PHF8: variants seen among roughly 807,000 people sequenced by gnomAD.
The protein encoded by PHF8 is PHD finger protein 8.
In PHF8, 9 loss-of-function variants were observed where a neutral mutation model predicts 74.4. The observed-to-expected ratio is 0.12, with a 90% CI of 0.07 to 0.21. The LOEUF (loss-of-function observed/expected upper bound fraction) is 0.21, where lower values mean the gene tolerates loss of function less well. Ranked by LOEUF, PHF8 falls within the 10% of genes least tolerant of loss-of-function variation. The probability of loss-of-function intolerance (pLI) is 1.00; values close to 1 mark genes in which losing one functional copy is unlikely to be tolerated. For missense variants in PHF8, 478 were observed against 816.6 expected (o/e 0.59, Z 5.05); for synonymous variants, 311 against 316.6 (o/e 0.98, Z 0.19).
intron 10 of PHF8, among the ~76,000 whole-genome samples, chrX:54,000,781 T>C (rs1454189620): frequency 3.5e-5 from 4 of 112,788 alleles, no homozygotes; most frequent in Non-Finnish European, 7.5e-5. Context: ...ACCAAAACAA[T>C]GATGCCAGGA....
upstream of PHF8, among the ~76,000 whole-genome samples, chrX:54,046,317 G>A (rs1440325040): frequency 9.0e-6 from 1 of 110,894 alleles, no homozygotes; most frequent in Non-Finnish European, 1.9e-5. Flanking sequence ...GGGCGCGGTG[G>A]CTCATGTCTG....
Position 53,972,700 on chromosome X carries a change from G to A in PHF8, c.2444-9761C>T, listed in dbSNP as rs782735311. 2.2e-4 allele frequency among the ~76,000 whole-genome samples: 25 copies of A among 111,260 alleles called. No homozygotes were observed. The South Asian group carries it at 9.4e-3, about 42-fold the overall frequency. Reference sequence around the variant, plus strand: ...CCCACAGCCAGTATCATACTAAATGGGCAAAAGATGGAAGCATTCCCCTTG... The same window carrying A: ...CCCACAGCCAGTATCATACTAAATGAGCAAAAGATGGAAGCATTCCCCTTG... On this transcript the variant is annotated intron_variant, in intron 18 of 21. Coordinates refer to ENST00000338154, the MANE Select transcript of PHF8 (RefSeq NM_015107.3).
chrX:54,048,112 C>A (rs782345913), upstream of PHF8, among the ~76,000 whole-genome samples: 420 of 109,685 alleles, frequency 3.8e-3, 1 homozygote, highest in Non-Finnish European at 6.9e-3. Context: ...TCGCGTGAAC[C>A]CGGGAGGCAG....
At chrX:53,941,273 T>G (rs2064746949) in intron 20 of PHF8, among the ~76,000 whole-genome samples, 1 of 112,521 alleles carries the variant, frequency 8.9e-6, no homozygotes. Flanking sequence ...ACACAGCACA[T>G]AGTAGATATT....
chrX:53,996,743 C>T (rs1433685314), intron 11 of PHF8, among the ~76,000 whole-genome samples: 3 of 110,748 alleles, frequency 2.7e-5, no homozygotes, highest in Non-Finnish European at 3.8e-5. Flanking sequence ...GATGGGGTTT[C>T]GCCATGTTGG....
At chrX:54,039,147 A>C (rs1037644103) in intron 2 of PHF8, among the ~76,000 whole-genome samples, 8 of 109,828 alleles carry the variant, frequency 7.3e-5, no homozygotes, top group African/African-American at 2.3e-4. Context: ...AAAAAAAAAA[A>C]AAAAAAGAAG....
At chrX:53,979,647 T>C (rs1167255455) in intron 18 of PHF8, among the ~76,000 whole-genome samples, 4 of 111,947 alleles carry the variant, frequency 3.6e-5, no homozygotes, top group Non-Finnish European at 7.5e-5. Flanking sequence ...CGATTCAAAA[T>C]TAGTAATTTT....
intron 2 of PHF8, among the ~76,000 whole-genome samples, chrX:54,036,957 G>A (rs1603344710): frequency 2.0e-5 from 2 of 102,383 alleles, no homozygotes; most frequent in Admixed American, 1.1e-4. Flanking sequence ...CCGAGATCGC[G>A]CCATTGCACT....
intron 20 of PHF8, among the ~76,000 whole-genome samples, chrX:53,941,661 C>A (rs1356062455): frequency 8.9e-6 from 1 of 112,229 alleles, no homozygotes; most frequent in East Asian, 2.8e-4. Context: ...CAAGCCTAAT[C>A]CTGCCTTCGG....
intron 17 of PHF8, 124 bp from the exon 18 acceptor site, chrX:53,985,351 G>A (rs2065545975): frequency 8.5e-6 from 5 of 587,012 alleles, no homozygotes; most frequent in Non-Finnish European, 1.4e-5. Flanking sequence ...AAAAAGGGGA[G>A]AATCATCCAA....
Position 53,938,536 on chromosome X carries a change from T to C in PHF8, c.*622A>G. On this transcript the variant is annotated 3_prime_UTR_variant, in exon 22 of 22. Transcript: ENST00000338154. ...CCTTTCTTTTGAAAGGTAAGTGAAG[T>C]TGGCATTTCTAGGCCACTTCTGGAA... The C allele has an allele frequency of 1.3e-6, 1 of 758,211 alleles. No homozygotes were observed. Among genetic ancestry groups the C allele is most frequent in the South Asian group, 6.7e-5 (1 of 14,947 alleles). The allele number at this position is 758,211 out of a possible 1,213,427, so 62.5% of individuals were successfully genotyped here. A position where few individuals can be genotyped will look rare whatever the true frequency, so the allele number is the denominator to read the frequency against.
chrX:54,044,568 T>A, upstream of PHF8: 1 of 235,925 alleles, frequency 4.2e-6, no homozygotes, highest in Non-Finnish European at 6.1e-6. Context: ...AGGGCGGTTC[T>A]CAGCCACCTT....
At chrX:53,995,254 AACAACT>A (rs1557102479) in intron 12 of PHF8, 2 of 339,961 alleles carry the variant, frequency 5.9e-6, no homozygotes, top group Middle Eastern at 4.4e-4. Context: ...TAATAATAAC[AACAACT>A]ACAACTACCA....
intron 13 of PHF8, among the ~76,000 whole-genome samples, 156 bp downstream of exon 13, chrX:53,993,445 G>T (rs781821374): frequency 1.8e-5 from 2 of 112,238 alleles, no homozygotes; most frequent in Admixed American, 9.4e-5. Context: ...CATAGAAAAG[G>T]TCTCAATAAA....
At chrX:53,995,097 G>A (rs1557102417) in intron 12 of PHF8, 1 of 333,544 alleles carries the variant, frequency 3.0e-6, no homozygotes, top group East Asian at 9.8e-5. Context: ...TGACAGAGCA[G>A]GAACCAGAAC....
chrX:53,979,359 G>A (rs1054824421), intron 18 of PHF8, among the ~76,000 whole-genome samples: 1 of 111,484 alleles, frequency 9.0e-6, no homozygotes, highest in Non-Finnish European at 1.9e-5. Flanking sequence ...CCCAGCCTGG[G>A]TGACAGAGCG....
intron 18 of PHF8, among the ~76,000 whole-genome samples, chrX:53,983,128 T>C (rs1240027865): frequency 9.4e-6 from 1 of 106,779 alleles, no homozygotes; most frequent in African/African-American, 3.4e-5. Context: ...TGAGCCATGA[T>C]TGCGCCACTG....
At chrX:53,962,281 A>T (rs2065117920) in intron 19 of PHF8, among the ~76,000 whole-genome samples, 1 of 112,331 alleles carries the variant, frequency 8.9e-6, no homozygotes, top group Non-Finnish European at 1.9e-5. Flanking sequence ...AGTTTTGGGC[A>T]GACTGTTAAG....
At chrX:53,979,600 C>A (rs1027540723) in intron 18 of PHF8, among the ~76,000 whole-genome samples, 1 of 111,240 alleles carries the variant, frequency 9.0e-6, no homozygotes, top group African/African-American at 3.3e-5. Flanking sequence ...TTAAACACCA[C>A]AACCAAGTAC....
Sources: allele counts gnomAD v4.1 joint callset (sites outside exome capture counted in the v4.1 genomes callset), GRCh38; gene constraint gnomAD v4.1.1; transcripts MANE v1.5; gene names NCBI Gene and HGNC (gene_info 2026-07-23, HGNC 2026-07-21).